EYA1: variants seen among roughly 807,000 people sequenced by gnomAD.
EYA1 encodes the protein EYA transcriptional coactivator and phosphatase 1.
Under a neutral mutation model 82.0 loss-of-function variants are expected in EYA1, and 16 were observed. That is an observed-to-expected ratio of 0.20 (90% CI 0.13 to 0.30). EYA1 has a LOEUF of 0.30. Among genes scored for constraint, EYA1 ranks in the 10% least tolerant of loss-of-function variants. The pLI is 1.00. For synonymous variants in EYA1, 261 were observed against 264.4 expected (o/e 0.99, Z 0.12); for missense variants, 633 against 730.7 (o/e 0.87, Z 1.54).
chr8:71,517,707 C>CTA (rs60132408), intron 2 of EYA1, among the ~76,000 whole-genome samples: 15,001 of 141,538 alleles, frequency 0.11, 863 homozygotes, highest in East Asian at 0.19. Flanking sequence ...GGAAAACATA[C>CTA]TATATATATA....
At chr8:71,403,535 G>A (rs1415478637) in intron 2 of EYA1, 1 of 152,050 alleles carries the variant, frequency 6.6e-6, no homozygotes, top group Non-Finnish European at 1.5e-5. Flanking sequence ...ATATCCTATT[G>A]ACATAAAAAA....
chr8:71,539,440 T>C (rs1195348010), intron 1 of EYA1, among the ~76,000 whole-genome samples: 2 of 152,146 alleles, frequency 1.3e-5, no homozygotes, highest in Non-Finnish European at 2.9e-5. Flanking sequence ...ACATTCACAG[T>C]ACCAAGCCAG....
At chr8:71,254,073 G>A (rs1478722996) in intron 11 of EYA1, among the ~76,000 whole-genome samples, 1 of 151,738 alleles carries the variant, frequency 6.6e-6, no homozygotes, top group Non-Finnish European at 1.5e-5. Context: ...CCAAACTCTT[G>A]AGTTTTCTTC....
intron 16 of EYA1, 101 bp from the exon 17 acceptor site, chr8:71,211,357 C>T (rs768659360): frequency 7.8e-6 from 6 of 768,878 alleles, no homozygotes; most frequent in African/African-American, 6.8e-5. Flanking sequence ...TGCTCTGATT[C>T]GAATGCCCCA....
At chr8:71,450,309 G>T (rs902385732) in intron 2 of EYA1, among the ~76,000 whole-genome samples, 2 of 152,174 alleles carry the variant, frequency 1.3e-5, no homozygotes, top group African/African-American at 4.8e-5. Context: ...AAAGGCGTGT[G>T]GCTCTCCTTT....
intron 3 of EYA1, among the ~76,000 whole-genome samples, chr8:71,350,534 C>A (rs1433364390): frequency 6.6e-6 from 1 of 152,114 alleles, no homozygotes; most frequent in African/African-American, 2.4e-5. Context: ...TATACCAATT[C>A]AAAATTACTA....
intron 2 of EYA1, among the ~76,000 whole-genome samples, chr8:71,411,361 A>G (rs1192473425): frequency 2.2e-5 from 1 of 45,076 alleles, no homozygotes; most frequent in Non-Finnish European, 4.2e-5. Flanking sequence ...AATGGCAACA[A>G]AAGCCAAAAT....
chr8:71,352,054 G>A (rs1411388126), intron 3 of EYA1, among the ~76,000 whole-genome samples: 2 of 152,172 alleles, frequency 1.3e-5, no homozygotes, highest in South Asian at 2.1e-4. Flanking sequence ...AATGTTCATT[G>A]TAGAGTTAGG....
At chr8:71,487,787 A>G (rs913485575) in intron 2 of EYA1, among the ~76,000 whole-genome samples, 10 of 152,238 alleles carry the variant, frequency 6.6e-5, no homozygotes, top group Admixed American at 2.0e-4. Context: ...CACGATCACC[A>G]GAATAGATAA....
chr8:71,335,798 AAC>A (rs3837168), intron 3 of EYA1, among the ~76,000 whole-genome samples: 8 of 150,452 alleles, frequency 5.3e-5, no homozygotes, highest in Admixed American at 1.3e-4. Flanking sequence ...CCTCCTTAAA[AAC>A]ACACACACAC....
rs113543123 is a variant in EYA1, at chr8:71,521,816, T to C, written c.33+13928A>G. Among the ~76,000 whole-genome samples, 12 of 152,282 alleles carry C rather than the reference T, an allele frequency of 7.9e-5. 1 individual carries two copies. The highest frequency in any genetic ancestry group is 2.6e-4 in the African/African-American group (11 of 41,568). Reference sequence around the variant, plus strand: ...CACGTTTTCAAAGGTTTTTATTACGTAGGCACTAAGTAATCAGTTAGATAG... The same window carrying C: ...CACGTTTTCAAAGGTTTTTATTACGCAGGCACTAAGTAATCAGTTAGATAG... On this transcript the variant is annotated intron_variant, in intron 2 of 18. Coordinates refer to the EYA1 transcript ENST00000643681.
intron 12 of EYA1, among the ~76,000 whole-genome samples, chr8:71,241,053 TTAGAAA>T (rs1328043593): frequency 6.6e-6 from 1 of 152,192 alleles, no homozygotes; most frequent in African/African-American, 2.4e-5. Context: ...TTAGTCAGAC[TTAGAAA>T]TAGGAAAGCC....
chr8:71,386,465 A>G (rs1448382421), intron 2 of EYA1, among the ~76,000 whole-genome samples: 1 of 152,218 alleles, frequency 6.6e-6, no homozygotes, highest in Non-Finnish European at 1.5e-5. Context: ...GGAAGTTTAA[A>G]TCTTTAAAGG....
chr8:71,531,101 C>T (rs1314907932), intron 2 of EYA1: 1 of 152,136 alleles, frequency 6.6e-6, no homozygotes, highest in Admixed American at 6.5e-5. Flanking sequence ...GTGTGATGGT[C>T]ACATTTTTAA....
chr8:71,540,042 T>C (rs1352357280), intron 1 of EYA1, among the ~76,000 whole-genome samples: 2 of 152,162 alleles, frequency 1.3e-5, no homozygotes, highest in African/African-American at 4.8e-5. Context: ...TTGGAAGTGA[T>C]ATTTTATGCC....
In EYA1 at chr8:71,238,607, C is replaced by G. The variant is rs184303964; in HGVS notation, c.1140+5996G>C. Among the ~76,000 whole-genome samples the G allele has an allele frequency of 9.1e-4, 139 of 151,916 alleles. 1 individual carries two copies. In the East Asian group the frequency reaches 0.017, roughly 18 times the overall value. Reference sequence around the variant, plus strand: ...TTTGTTTTTGTGTTTTAGTAACTACCGCTATTTTAAATTATAATTAAAATT... The same window carrying G: ...TTTGTTTTTGTGTTTTAGTAACTACGGCTATTTTAAATTATAATTAAAATT... On this transcript the variant is annotated intron_variant, in intron 12 of 17. Coordinates refer to ENST00000340726, the MANE Select transcript of EYA1 (RefSeq NM_000503.6).
rs570691162 is a variant in EYA1 at position 71,426,191 on chromosome 8, T to C, written c.34-69680A>G. Among the ~76,000 whole-genome samples the C allele has an allele frequency of 2.0e-5, 3 of 152,324 alleles. No homozygotes were observed. In the East Asian group the frequency reaches 5.8e-4, roughly 29 times the overall value. On this transcript the variant is annotated intron_variant, in intron 2 of 18. Coordinates refer to the EYA1 transcript ENST00000643681. ...AATCACAGGATGAAAAACACAGCTC[T>C]TAATAACATGATTTTTTAACTTTTC...
intron 7 of EYA1, among the ~76,000 whole-genome samples, chr8:71,309,826 CA>C (rs575865354): frequency 1.4e-3 from 213 of 152,282 alleles, no homozygotes; most frequent in African/African-American, 4.7e-3. Context: ...TACCCTTTAA[CA>C]AACCTCTGCC....
At chr8:71,453,703 T>A (rs1807603301) in intron 2 of EYA1, among the ~76,000 whole-genome samples, 1 of 152,142 alleles carries the variant, frequency 6.6e-6, no homozygotes, top group Non-Finnish European at 1.5e-5. Context: ...TAAAATCCTT[T>A]ATGGACAAGC....
Sources: gnomAD v4.1 joint callset for allele counts (sites outside exome capture counted in the v4.1 genomes callset) on GRCh38, gnomAD v4.1.1 for gene constraint, MANE v1.5 for transcripts, NCBI Gene and HGNC (gene_info 2026-07-23, HGNC 2026-07-21) for gene names.